GOLT1B: variants seen among roughly 807,000 people sequenced by gnomAD.
The protein encoded by GOLT1B is golgi transport 1B.
In GOLT1B, 3 loss-of-function variants were observed where a neutral mutation model predicts 15.4. The ratio of observed to expected loss-of-function variants is 0.19; its 90% CI spans 0.09 to 0.50. GOLT1B has a LOEUF of 0.50. Among genes scored for constraint, GOLT1B ranks in the 20% least tolerant of loss-of-function variants. GOLT1B has a pLI of 0.97. For synonymous variants in GOLT1B, 65 were observed against 56.2 expected (o/e 1.16, Z -0.70); for missense variants, 145 against 160.4 (o/e 0.90, Z 0.52).
intron 3 of GOLT1B, among the ~76,000 whole-genome samples, chr12:21,511,386 C>T (rs1265059743): frequency 7.1e-6 from 1 of 140,350 alleles, no homozygotes; most frequent in Non-Finnish European, 1.6e-5. Flanking sequence ...TTCAGCTATC[C>T]GGAAGCTCCC....
chr12:21,514,366 A>G (rs1416671352), intron 4 of GOLT1B, among the ~76,000 whole-genome samples: 1 of 152,228 alleles, frequency 6.6e-6, no homozygotes. Context: ...TCAAAGAGCT[A>G]AAGAATGGCT....
In GOLT1B at chr12:21,501,790, G is replaced by A; in HGVS notation, c.-134G>A. 2.9e-6 allele frequency: 2 copies of A among 690,284 alleles called. No individual in the cohort carries two copies. 42.8% of individuals were successfully genotyped at this position (690,284 alleles called of 1,614,324 possible). On this transcript the variant is annotated 5_prime_UTR_variant, in exon 1 of 5. The change creates a new upstream start codon in the 5' untranslated region. Coordinates refer to ENST00000229314, the MANE Select transcript of GOLT1B (RefSeq NM_016072.5). ...AATAGGAAGCGCTCTTAAAGCGGCA[G>A]TGAGGGTGGCTGCGTGTTTCCGGAA...
intron 4 of GOLT1B, among the ~76,000 whole-genome samples, 197 bp downstream of exon 4, chr12:21,512,573 G>A (rs530361547): frequency 7.2e-5 from 11 of 152,124 alleles, no homozygotes; most frequent in African/African-American, 2.2e-4. Flanking sequence ...TTGTTTTACC[G>A]TATCCATTTC....
chr12:21,518,263 A>G lies in GOLT1B; in HGVS notation c.*2556A>G, dbSNP rs1023043778. ...TAGCCTTATATGCAGTGTTCTATTT[A>G]TCAAATGATCTTCACATCTTTCATT... On this transcript the variant is annotated 3_prime_UTR_variant, in exon 5 of 5. Coordinates refer to ENST00000229314, the MANE Select transcript of GOLT1B (RefSeq NM_016072.5). 1 of 152,170 alleles carries G rather than the reference A, an allele frequency of 6.6e-6. No homozygotes were observed. Among genetic ancestry groups the G allele is most frequent in the Admixed American group, 6.5e-5 (1 of 15,276 alleles). 9.4% of individuals were successfully genotyped at this position (152,170 alleles called of 1,614,324 possible).
intron 1 of GOLT1B, chr12:21,504,618 C>A (rs1480227787): frequency 4.0e-6 from 2 of 500,834 alleles, no homozygotes; most frequent in Non-Finnish European, 8.0e-6. Context: ...CCCACACACA[C>A]ATTTTTGCTG....
At position 21,517,241 on chromosome 12, in the gene GOLT1B, T is replaced by C. The variant is rs957404468; in HGVS notation, c.*1534T>C. ...CATCTAAATAAGGAAAGACTTGGTG[T>C]ATAGTGTGATGGTTTAGTCTTAAGG... On this transcript the variant is annotated 3_prime_UTR_variant, in exon 5 of 5. Coordinates refer to ENST00000229314, the MANE Select transcript of GOLT1B (RefSeq NM_016072.5). 1 of 152,468 alleles carries C rather than the reference T, an allele frequency of 6.6e-6. No individual in the cohort carries two copies. The highest frequency in any genetic ancestry group is 1.5e-5 in the Non-Finnish European group (1 of 67,890). 9.4% of individuals were successfully genotyped at this position (152,468 alleles called of 1,614,324 possible). A position where few individuals can be genotyped will look rare whatever the true frequency, so the allele number is the denominator to read the frequency against.
Position 21,517,698 on chromosome 12 carries a change from A to G in GOLT1B, c.*1991A>G, listed in dbSNP as rs1943766371. ...ACTTGAAAGGGTTTGATAATCTCCCAGTCCTTAGTAAAGATTGAGAGAGGC... is the reference window on the plus strand; with the variant it reads ...ACTTGAAAGGGTTTGATAATCTCCCGGTCCTTAGTAAAGATTGAGAGAGGC... On this transcript the variant is annotated 3_prime_UTR_variant, in exon 5 of 5. Transcript: ENST00000229314. The G allele has an allele frequency of 6.6e-6, 1 of 152,200 alleles. No homozygotes were observed. Among genetic ancestry groups the G allele is most frequent in the African/African-American group, 2.4e-5 (1 of 41,456 alleles). 9.4% of individuals were successfully genotyped at this position (152,200 alleles called of 1,614,324 possible).
Position 21,505,809 on chromosome 12 carries a change from A to G in GOLT1B, c.26-1076A>G, listed in dbSNP as rs903735624. Among the ~76,000 whole-genome samples the G allele has an allele frequency of 4.6e-5, 7 of 152,104 alleles. No individual in the cohort carries two copies. In the South Asian group the frequency reaches 6.2e-4, roughly 13 times the overall value. ...GTGGCTTCTACTCTGACTCATCTGT[A>G]TGCAGATTGTGCTTCTAACTAAACT... On this transcript the variant is annotated intron_variant, in intron 1 of 4. Coordinates refer to ENST00000229314, the MANE Select transcript of GOLT1B (RefSeq NM_016072.5).
At chr12:21,509,777 A>G (rs1326692906) in intron 3 of GOLT1B, among the ~76,000 whole-genome samples, 1 of 152,248 alleles carries the variant, frequency 6.6e-6, no homozygotes, top group African/African-American at 2.4e-5. Flanking sequence ...CAGTTAACAG[A>G]AGGAACAGAC....
chr12:21,515,597 T>C (rs970141525), intron 4 of GOLT1B, 72 bp from the exon 5 acceptor site: 6 of 806,202 alleles, frequency 7.4e-6, no homozygotes, highest in Non-Finnish European at 1.3e-5. Flanking sequence ...AAAATCAACA[T>C]TTTAAATATT....
intron 1 of GOLT1B, among the ~76,000 whole-genome samples, chr12:21,502,283 A>G (rs556003991): frequency 6.6e-6 from 1 of 152,306 alleles, no homozygotes; most frequent in South Asian, 2.1e-4. Context: ...GCTTGCCACA[A>G]GAGAAAGTTT....
intron 2 of GOLT1B, chr12:21,508,155 A>G: frequency 2.0e-6 from 1 of 512,088 alleles, no homozygotes; most frequent in South Asian, 2.3e-5. Flanking sequence ...CATTTAATCA[A>G]GATAGAAGAG....
At chr12:21,508,896 G>GATAA (rs1294173146) in intron 3 of GOLT1B, among the ~76,000 whole-genome samples, 1 of 113,094 alleles carries the variant, frequency 8.8e-6, no homozygotes, top group Admixed American at 9.4e-5. Context: ...TAGGTAGATA[G>GATAA]ATAGATAGAT....
Position 21,516,730 on chromosome 12 carries a change from A to G in GOLT1B, c.*1023A>G, listed in dbSNP as rs1352012673. ...AACTTATGGCTATTTTTAAAGGGCTATTCATTTAATCTGAGTTTTCCCTTA... is the reference window on the plus strand; with the variant it reads ...AACTTATGGCTATTTTTAAAGGGCTGTTCATTTAATCTGAGTTTTCCCTTA... On this transcript the variant is annotated 3_prime_UTR_variant, in exon 5 of 5. Transcript: ENST00000229314. 2.0e-5 allele frequency: 3 copies of G among 152,068 alleles called. No individual in the cohort carries two copies. Among genetic ancestry groups the G allele is most frequent in the African/African-American group, 7.2e-5 (3 of 41,440 alleles). 9.4% of individuals were successfully genotyped at this position (152,068 alleles called of 1,614,324 possible).
chr12:21,515,222 A>G, intron 4 of GOLT1B: 2 of 1,382,482 alleles, frequency 1.4e-6, no homozygotes, highest in Non-Finnish European at 9.9e-7. Flanking sequence ...ATGGAGTTAA[A>G]TCTGTTTGTC....
chr12:21,509,396 CAAAAAAAAAA>C (rs71053318), intron 3 of GOLT1B, among the ~76,000 whole-genome samples: 3 of 74,040 alleles, frequency 4.1e-5, no homozygotes, highest in South Asian at 7.3e-4. Flanking sequence ...GACTCTGTCT[CAAAAAAAAAA>C]AAAAAAAAAA....
Position 21,515,759 on chromosome 12 carries a change from A to G in GOLT1B, c.*52A>G, listed in dbSNP as rs1555150456. On this transcript the variant is annotated 3_prime_UTR_variant, in exon 5 of 5. Transcript: ENST00000229314. Reference sequence around the variant, plus strand: ...AAAATATTGTGTTATTTATAAAGTCATTTGAAGAATATTCAGCACAAAATT... The same window carrying G: ...AAAATATTGTGTTATTTATAAAGTCGTTTGAAGAATATTCAGCACAAAATT... 1.2e-6 allele frequency: 1 copy of G among 820,350 alleles called. No homozygotes were observed. Among genetic ancestry groups the G allele is most frequent in the South Asian group, 1.5e-5 (1 of 65,674 alleles). The allele number at this position is 820,350 out of a possible 1,614,324, so 50.8% of individuals were successfully genotyped here. A position where few individuals can be genotyped will look rare whatever the true frequency, so the allele number is the denominator to read the frequency against.
chr12:21,511,730 G>C (rs1355320041), intron 3 of GOLT1B, among the ~76,000 whole-genome samples: 2 of 152,164 alleles, frequency 1.3e-5, no homozygotes, highest in African/African-American at 4.8e-5. Flanking sequence ...CATATTTTAA[G>C]ACCCAGGAAA....
Position 21,517,318 on chromosome 12 carries a change from G to C in GOLT1B, c.*1611G>C, listed in dbSNP as rs71539413. 3,849 of 152,432 alleles carry C rather than the reference G, an allele frequency of 0.025. 142 individuals carry two copies. The highest frequency in any genetic ancestry group is 0.2 in the East Asian group (1,044 of 5,156). The allele number at this position is 152,432 out of a possible 1,614,324, so 9.4% of individuals were successfully genotyped here. A position where few individuals can be genotyped will look rare whatever the true frequency, so the allele number is the denominator to read the frequency against. On this transcript the variant is annotated 3_prime_UTR_variant, in exon 5 of 5. Transcript: ENST00000229314. ...TGACTTACGATGTATCTGTGAAAAT[G>C]GGATGATATTGACAAATGGAGACTC...
Sources: gnomAD v4.1 joint callset for allele counts (sites outside exome capture counted in the v4.1 genomes callset) on GRCh38, gnomAD v4.1.1 for gene constraint, MANE v1.5 for transcripts, NCBI Gene and HGNC (gene_info 2026-07-23, HGNC 2026-07-21) for gene names.